The following SRL variants were observed in gnomAD, a reference collection of about 807,000 sequenced individuals.
SRL encodes sarcalumenin.
SRL carries 23 observed loss-of-function variants against 39.5 expected under a neutral mutation model. The observed-to-expected ratio is 0.58, with a 90% CI of 0.42 to 0.82. The LOEUF (loss-of-function observed/expected upper bound fraction) is 0.82, where lower values mean the gene tolerates loss of function less well. SRL is among the 40% of genes least tolerant of loss of function. The pLI is 0.00. For missense variants in SRL, 592 were observed against 607.8 expected, an observed-to-expected ratio of 0.97 and a Z score of 0.27; for synonymous variants, 272 against 237.4, an observed-to-expected ratio of 1.15 and a Z score of -1.34.
rs752879432 is a variant in SRL, at chr16:4,190,111, C to A, written c.*2042G>T. The A allele has an allele frequency of 5.0e-6, 2 of 397,202 alleles. No individual in the cohort carries two copies. The highest frequency in any genetic ancestry group is 2.1e-5 in the African/African-American group (1 of 48,612). 24.6% of individuals were successfully genotyped at this position (397,202 alleles called of 1,614,324 possible). A position where few individuals can be genotyped will look rare whatever the true frequency, so the allele number is the denominator to read the frequency against. On this transcript the variant is annotated 3_prime_UTR_variant, in exon 6 of 6. Coordinates refer to ENST00000399609, the MANE Select transcript of SRL (RefSeq NM_001098814.2). ...CCTTGGAAACATTGTCCTGAGTGCC[C>A]TGGAACCTCGGGTGTTCTTGTGGAA...
intron 1 of SRL, among the ~76,000 whole-genome samples, chr16:4,225,498 C>T (rs892631626): frequency 5.3e-5 from 8 of 152,088 alleles, no homozygotes; most frequent in Admixed American, 2.6e-4. Flanking sequence ...GTGGGAGGAT[C>T]GCCTGAGCCC....
chr16:4,235,769 A>C (rs2052707710), intron 1 of SRL, among the ~76,000 whole-genome samples: 1 of 152,156 alleles, frequency 6.6e-6, no homozygotes. Flanking sequence ...CAGGCCACAT[A>C]TCCACCGCGC....
intron 1 of SRL, 57 bp downstream of exon 1, chr16:4,241,950 C>G: frequency 1.9e-6 from 3 of 1,601,448 alleles, no homozygotes; most frequent in South Asian, 2.2e-5. Context: ...AGACAGAAAA[C>G]CTTGGAGGAA....
chr16:4,241,509 TTCTA>T (rs1242895689), intron 1 of SRL, among the ~76,000 whole-genome samples: 1 of 152,182 alleles, frequency 6.6e-6, no homozygotes, highest in Admixed American at 6.5e-5. Flanking sequence ...CCAATTCCAA[TTCTA>T]TCTCACTGCT....
chr16:4,200,364 C>T (rs956616129), intron 3 of SRL, among the ~76,000 whole-genome samples: 5 of 152,226 alleles, frequency 3.3e-5, no homozygotes, highest in African/African-American at 9.6e-5. Flanking sequence ...AGACAAACCA[C>T]AAACAGGGCC....
At chr16:4,194,909 T>C (rs1202855171) in intron 5 of SRL, among the ~76,000 whole-genome samples, 1 of 152,052 alleles carries the variant, frequency 6.6e-6, no homozygotes, top group Non-Finnish European at 1.5e-5. Context: ...CTTTTTTTTT[T>C]TCTGAGACAG....
At chr16:4,240,090 AGGAGGAGAAGCC>A (rs1394573720) in intron 1 of SRL, among the ~76,000 whole-genome samples, 1 of 152,200 alleles carries the variant, frequency 6.6e-6, no homozygotes, top group African/African-American at 2.4e-5. Context: ...ACGAGCAACA[AGGAGGAGAAGCC>A]GGAGGAGAAG....
At chr16:4,207,789 G>A (rs1261697945) in intron 1 of SRL, 1 of 455,496 alleles carries the variant, frequency 2.2e-6, no homozygotes, top group Non-Finnish European at 4.4e-6. Context: ...TGCCACTGGT[G>A]GGCCATTCTT....
chr16:4,218,718 C>T (rs947164982), intron 1 of SRL, among the ~76,000 whole-genome samples: 4 of 152,226 alleles, frequency 2.6e-5, no homozygotes, highest in South Asian at 2.1e-4. Flanking sequence ...GACAACAGGG[C>T]GCACAGCCCC....
chr16:4,211,696 G>T (rs1026659735), intron 1 of SRL, among the ~76,000 whole-genome samples: 1 of 151,678 alleles, frequency 6.6e-6, no homozygotes, highest in South Asian at 2.1e-4. Context: ...TGATGATGAT[G>T]ATGGTGATGA....
intron 1 of SRL, among the ~76,000 whole-genome samples, chr16:4,209,216 T>C (rs533110275): frequency 6.6e-6 from 1 of 151,314 alleles, no homozygotes; most frequent in African/African-American, 2.4e-5. Flanking sequence ...GAGGTTGCAG[T>C]GAGCCGAGAT....
chr16:4,195,503 T>C, intron 5 of SRL, 50 bp downstream of exon 5: 5 of 1,578,072 alleles, frequency 3.2e-6, no homozygotes, highest in Non-Finnish European at 4.3e-6. Context: ...TGGCCAAAAA[T>C]AATTTTTTGA....
intron 1 of SRL, among the ~76,000 whole-genome samples, chr16:4,214,582 G>A (rs2052432536): frequency 6.6e-6 from 1 of 152,044 alleles, no homozygotes; most frequent in East Asian, 1.9e-4. Context: ...AGTGCAGCAG[G>A]GAGCAATTCA....
chr16:4,222,573 T>C (rs1020166163), intron 1 of SRL, among the ~76,000 whole-genome samples: 1 of 152,046 alleles, frequency 6.6e-6, no homozygotes, highest in African/African-American at 2.4e-5. Flanking sequence ...TGCACCCGGC[T>C]TTTTTGTTTT....
chr16:4,236,724 A>G (rs2052717899), intron 1 of SRL, among the ~76,000 whole-genome samples: 1 of 151,728 alleles, frequency 6.6e-6, no homozygotes, highest in Admixed American at 6.6e-5. Context: ...GCTCACTGCA[A>G]CCTCTGCCTC....
At chr16:4,234,126 C>A (rs1192133710) in intron 1 of SRL, among the ~76,000 whole-genome samples, 1 of 152,104 alleles carries the variant, frequency 6.6e-6, no homozygotes, top group East Asian at 1.9e-4. Context: ...CCCTGAGTAG[C>A]TGAGACCACA....
At position 4,204,576 on chromosome 16, in the gene SRL, C is replaced by T; in HGVS notation, c.120G>A (p.Lys40=). ...APLRDRSHIE[K]TLMLNEDKPS... ...GCTTGTCCTCATTCAGCATGAGGGTCTTCTCGATGTGGGAGCGGTCCCTCA... is the reference window on the plus strand; with the variant it reads ...GCTTGTCCTCATTCAGCATGAGGGTTTTCTCGATGTGGGAGCGGTCCCTCA... The change falls in exon 2 of 6, where the codon AAG becomes AAA. Residue 40 remains lysine (K), a synonymous_variant. Coordinates refer to ENST00000399609, the MANE Select transcript of SRL (RefSeq NM_001098814.2). The T allele has an allele frequency of 6.2e-7, 1 of 1,614,226 alleles. No homozygotes were observed. Among genetic ancestry groups the T allele is most frequent in the Non-Finnish European group, 8.5e-7 (1 of 1,180,052 alleles).
intron 1 of SRL, among the ~76,000 whole-genome samples, chr16:4,222,311 G>A (rs1010605902): frequency 1.3e-5 from 2 of 152,150 alleles, no homozygotes; most frequent in African/African-American, 4.8e-5. Flanking sequence ...TCTCACTCTT[G>A]TAACCCAGGA....
rs144748231 is a variant in SRL at position 4,224,957 on chromosome 16, G to C, written c.61+17050C>G. Among the ~76,000 whole-genome samples, 224 of 152,300 alleles carry C rather than the reference G, an allele frequency of 1.5e-3. 2 individuals carry two copies. The highest frequency in any genetic ancestry group is 5.2e-3 in the African/African-American group (215 of 41,556). ...CACCTGCTACAACACGGCTGAACCTGGAAGACACGGTGGTAAGTGAAAGAA... is the reference window on the plus strand; with the variant it reads ...CACCTGCTACAACACGGCTGAACCTCGAAGACACGGTGGTAAGTGAAAGAA... On this transcript the variant is annotated intron_variant, in intron 1 of 5. Coordinates refer to ENST00000399609, the MANE Select transcript of SRL (RefSeq NM_001098814.2).
Sources: gnomAD v4.1 joint callset for allele counts (sites outside exome capture counted in the v4.1 genomes callset) on GRCh38, gnomAD v4.1.1 for gene constraint, MANE v1.5 for transcripts, NCBI Gene and HGNC (gene_info 2026-07-23, HGNC 2026-07-21) for gene names.